Variants in NFATC1 observed in about 807,000 individuals in gnomAD.
NFATC1 encodes nuclear factor of activated T-cells, cytoplasmic 1.
Under a neutral mutation model 76.0 loss-of-function variants are expected in NFATC1, and 22 were observed. That is an observed-to-expected ratio of 0.29 (90% CI 0.21 to 0.41). NFATC1 has a LOEUF of 0.41. Among genes scored for constraint, NFATC1 ranks in the 10% least tolerant of loss-of-function variants. The pLI is 1.00. For synonymous variants in NFATC1, 704 were observed against 613.1 expected (o/e 1.15, Z -2.19); for missense variants, 1,357 against 1,337.7 (o/e 1.01, Z -0.23).
intron 6 of NFATC1, among the ~76,000 whole-genome samples, chr18:79,456,262 C>T (rs560048191): frequency 4.5e-4 from 68 of 152,330 alleles, no homozygotes; most frequent in African/African-American, 1.4e-3. Flanking sequence ...ACATTCACCG[C>T]GGCGAGTGTG....
At chr18:79,515,330 C>T (rs2090351907) in intron 9 of NFATC1, among the ~76,000 whole-genome samples, 1 of 141,418 alleles carries the variant, frequency 7.1e-6, no homozygotes, top group African/African-American at 2.8e-5. Context: ...CAGAGCAAGA[C>T]TCCATCTCAA....
At chr18:79,405,940 CCCCGTCACAGAAACGTCA>C (rs1452722655) in intron 1 of NFATC1, among the ~76,000 whole-genome samples, 1 of 152,186 alleles carries the variant, frequency 6.6e-6, no homozygotes, top group Non-Finnish European at 1.5e-5. Flanking sequence ...ACGCCTGGGC[CCCCGTCACAGAAACGTCA>C]AGGGCTACGG....
intron 2 of NFATC1, among the ~76,000 whole-genome samples, chr18:79,423,875 G>A (rs2086187519): frequency 1.3e-5 from 2 of 152,212 alleles, no homozygotes; most frequent in South Asian, 2.1e-4. Flanking sequence ...AGAGTCAGGC[G>A]GCCTTGGCTT....
At chr18:79,431,011 C>T (rs1456572880) in intron 2 of NFATC1, among the ~76,000 whole-genome samples, 1 of 152,234 alleles carries the variant, frequency 6.6e-6, no homozygotes, top group Non-Finnish European at 1.5e-5. Context: ...ATGCTGATCA[C>T]CTCACGTGGG....
intron 2 of NFATC1, among the ~76,000 whole-genome samples, chr18:79,415,501 C>G (rs999549570): frequency 6.6e-6 from 1 of 151,512 alleles, no homozygotes; most frequent in African/African-American, 2.4e-5. Context: ...CCAGGATGGT[C>G]TCGATCTCCT....
At chr18:79,522,525 C>T (rs1477474232) in intron 9 of NFATC1, among the ~76,000 whole-genome samples, 5 of 121,776 alleles carry the variant, frequency 4.1e-5, no homozygotes, top group African/African-American at 1.6e-4. Flanking sequence ...GGTGCGTCCA[C>T]TGATGTGTGT....
rs564524999 is a variant in NFATC1, at chr18:79,409,245, T to G, written c.128-1158T>G. Among the ~76,000 whole-genome samples, 13 of 149,500 alleles carry G rather than the reference T, an allele frequency of 8.7e-5. 1 individual carries two copies. In the South Asian group the frequency reaches 2.8e-3, roughly 32 times the overall value. On this transcript the variant is annotated intron_variant, in intron 1 of 9. Transcript: ENST00000427363. Reference sequence around the variant, plus strand: ...TCCATCATCCATCATCCATCCATTATTCCTCCATTCCCTATCCATCCATCT... The same window carrying G: ...TCCATCATCCATCATCCATCCATTAGTCCTCCATTCCCTATCCATCCATCT...
intron 3 of NFATC1, among the ~76,000 whole-genome samples, chr18:79,438,542 G>A (rs1366583038): frequency 6.6e-6 from 1 of 152,224 alleles, no homozygotes; most frequent in African/African-American, 2.4e-5. Context: ...CGGGAGGCCG[G>A]GCTCGTGTGA....
chr18:79,431,100 G>A (rs2086573439), intron 2 of NFATC1, among the ~76,000 whole-genome samples: 1 of 152,216 alleles, frequency 6.6e-6, no homozygotes, highest in South Asian at 2.1e-4. Flanking sequence ...GCTGAGTTGG[G>A]GTCCAGCAGG....
In NFATC1 at chr18:79,410,226, T is replaced by C. The variant is rs1484780066; in HGVS notation, c.128-177T>C. On this transcript the variant is annotated intron_variant, in intron 1 of 9. Transcript: ENST00000427363. The surrounding 1 kb of genome is among the most constrained non-coding windows in gnomAD (Gnocchi z 6.7). Reference sequence around the variant, plus strand: ...CTTGTTGGCCAGGTGGGACTGGGGCTGTCACTCCAAGTCGCCCGGAGCTGT... The same window carrying C: ...CTTGTTGGCCAGGTGGGACTGGGGCCGTCACTCCAAGTCGCCCGGAGCTGT... 6 of 1,007,420 alleles carry C rather than the reference T, an allele frequency of 6.0e-6. No individual in the cohort carries two copies. Among genetic ancestry groups the C allele is most frequent in the Non-Finnish European group, 7.5e-6 (5 of 669,108 alleles). 62.4% of individuals were successfully genotyped at this position (1,007,420 alleles called of 1,614,324 possible).
At chr18:79,479,090 G>GT in intron 8 of NFATC1, among the ~76,000 whole-genome samples, 1 of 152,348 alleles carries the variant, frequency 6.6e-6, no homozygotes, top group Middle Eastern at 3.4e-3. Flanking sequence ...AAGCCAGCCG[G>GT]CCCTGAGGCC....
chr18:79,424,911 G>A (rs2086246003), intron 2 of NFATC1, among the ~76,000 whole-genome samples: 1 of 124,508 alleles, frequency 8.0e-6, no homozygotes, highest in Non-Finnish European at 1.8e-5. Flanking sequence ...CCATTTCTCT[G>A]TCGCTCTGTC....
intron 7 of NFATC1, among the ~76,000 whole-genome samples, chr18:79,466,624 G>A (rs891379292): frequency 2.8e-4 from 42 of 152,176 alleles, no homozygotes; most frequent in African/African-American, 8.2e-4. Flanking sequence ...AACATGAGAA[G>A]GTAACGGCAG....
At chr18:79,396,631 CT>C (rs2085013996) in intron 1 of NFATC1, among the ~76,000 whole-genome samples, 1 of 152,208 alleles carries the variant, frequency 6.6e-6, no homozygotes, top group Non-Finnish European at 1.5e-5. Context: ...GAGGAAGCGG[CT>C]CGCAGGCCGG....
In NFATC1 at chr18:79,524,544, T is replaced by A. The variant is rs2145241113; in HGVS notation, c.2783-2984T>A. On this transcript the variant is annotated intron_variant, in intron 9 of 9. Coordinates refer to ENST00000427363, the MANE Select transcript of NFATC1 (RefSeq NM_001278669.2). This position sits in a 1 kb window ranked among gnomAD's most constrained non-coding sequence, Gnocchi z 7.2. ...GCGTCTGAGACCTTGTGGAACACAC[T>A]TGACCCGGCGCTGGGACGGGGTCGG... 6.6e-6 allele frequency among the ~76,000 whole-genome samples: 1 copy of A among 152,288 alleles called. No individual in the cohort carries two copies. The highest frequency in any genetic ancestry group is 6.5e-5 in the Admixed American group (1 of 15,304).
intron 8 of NFATC1, among the ~76,000 whole-genome samples, chr18:79,480,628 C>T (rs1356816510): frequency 3.3e-5 from 5 of 152,166 alleles, no homozygotes; most frequent in Non-Finnish European, 7.3e-5. Flanking sequence ...TTAAACGGGG[C>T]CGTGTCTGAG....
intron 8 of NFATC1, among the ~76,000 whole-genome samples, chr18:79,483,544 G>GGCGTGACCTGGTCCTGGGGTGTAATTCCA (rs2089386952): frequency 1.1e-5 from 1 of 88,246 alleles, no homozygotes; most frequent in Non-Finnish European, 2.2e-5. Flanking sequence ...GTGTCACTCC[G>GGCGTGACCTGGTCCTGGGGTGTAATTCCA]GCGTGACCTG....
chr18:79,462,028 G>A (rs557013624), intron 7 of NFATC1, among the ~76,000 whole-genome samples: 13 of 152,188 alleles, frequency 8.5e-5, no homozygotes, highest in East Asian at 3.9e-4. Flanking sequence ...TCACCGGGCC[G>A]TTTCCAACTC....
intron 2 of NFATC1, among the ~76,000 whole-genome samples, chr18:79,430,161 G>A (rs2086539591): frequency 6.6e-6 from 1 of 152,236 alleles, no homozygotes; most frequent in South Asian, 2.1e-4. Flanking sequence ...AGTGACACGT[G>A]GCTGCGTTTA....
Sources: allele counts gnomAD v4.1 joint callset (sites outside exome capture counted in the v4.1 genomes callset), GRCh38; gene constraint gnomAD v4.1.1; non-coding constraint Gnocchi (gnomAD v3.1); transcripts MANE v1.5; gene names NCBI Gene and HGNC (gene_info 2026-07-23, HGNC 2026-07-21).